Variants in AR observed in about 807,000 individuals in gnomAD.
The protein encoded by AR is dihydrotestosterone receptor.
Under a neutral mutation model 53.9 loss-of-function variants are expected in AR, and 8 were observed. The observed-to-expected ratio is 0.15, with a 90% CI of 0.09 to 0.27. The LOEUF (loss-of-function observed/expected upper bound fraction) is 0.27, where lower values mean the gene tolerates loss of function less well. AR is among the 10% of genes least tolerant of loss of function. The pLI is 1.00. For missense variants in AR, 639 were observed against 742.5 expected, an observed-to-expected ratio of 0.86 and a Z score of 1.62; for synonymous variants, 359 against 316.4, an observed-to-expected ratio of 1.13 and a Z score of -1.43.
chrX:67,636,972 TAACA>T (rs1170396645), intron 1 of AR, among the ~76,000 whole-genome samples: 3 of 111,924 alleles, frequency 2.7e-5, no homozygotes, highest in African/African-American at 6.5e-5. Context: ...AACTCATGCC[TAACA>T]AACAAAACTC....
At chrX:67,669,389 T>C (rs2147474462) in intron 2 of AR, among the ~76,000 whole-genome samples, 1 of 111,852 alleles carries the variant, frequency 8.9e-6, no homozygotes, top group South Asian at 3.7e-4. Context: ...TTTTATTCCA[T>C]TGTGGTCAGA....
chrX:67,641,025 G>A (rs1022418136), intron 1 of AR, among the ~76,000 whole-genome samples: 3 of 111,304 alleles, frequency 2.7e-5, no homozygotes, highest in African/African-American at 6.5e-5. Context: ...TATATCCCCA[G>A]CACCTAACCC....
chrX:67,664,172 T>G (rs1447723753), intron 2 of AR, among the ~76,000 whole-genome samples: 1 of 112,440 alleles, frequency 8.9e-6, no homozygotes, highest in African/African-American at 3.2e-5. Context: ...AGGAGCTGCA[T>G]TCCTTTGGAG....
rs762734251 is a variant in AR at position 67,724,652 on chromosome X, G to A, written c.*811G>A. The stretch of plus-strand genomic sequence containing the variant: ...CCTGGGGGCTAGACTGCTCAACTGT[G>A]GAGCAATTCATTATACTGAAAATGT... On this transcript the variant is annotated 3_prime_UTR_variant, in exon 8 of 8. Coordinates refer to ENST00000374690, the MANE Select transcript of AR (RefSeq NM_000044.6). The A allele has an allele frequency of 3.1e-4, 54 of 173,738 alleles. No homozygotes were observed. The highest frequency in any genetic ancestry group is 4.8e-4 in the Non-Finnish European group (44 of 91,468). The allele number at this position is 173,738 out of a possible 1,213,427, so 14.3% of individuals were successfully genotyped here. A position where few individuals can be genotyped will look rare whatever the true frequency, so the allele number is the denominator to read the frequency against.
chrX:67,705,326 C>G (rs1017645585), intron 3 of AR, among the ~76,000 whole-genome samples: 3 of 111,034 alleles, frequency 2.7e-5, no homozygotes, highest in African/African-American at 9.8e-5. Context: ...TTTCATTGAG[C>G]AGTGGTTTGT....
At chrX:67,618,698 G>A (rs1385505438) in intron 1 of AR, among the ~76,000 whole-genome samples, 1 of 111,597 alleles carries the variant, frequency 9.0e-6, no homozygotes, top group Non-Finnish European at 1.9e-5. Context: ...GATAGAGTCA[G>A]GAAGGGCTTC....
At chrX:67,621,723 G>A (rs1397428857) in intron 1 of AR, among the ~76,000 whole-genome samples, 1 of 111,520 alleles carries the variant, frequency 9.0e-6, no homozygotes, top group East Asian at 2.8e-4. Context: ...ATTCCATGGT[G>A]TATTGAACTG....
chrX:67,708,543 T>A (rs916189882), intron 3 of AR, among the ~76,000 whole-genome samples: 2 of 111,508 alleles, frequency 1.8e-5, no homozygotes, highest in Non-Finnish European at 3.8e-5. Context: ...TAGCCATTCG[T>A]CTAATCTTTT....
At chrX:67,612,306 A>C (rs1047756614) in intron 1 of AR, among the ~76,000 whole-genome samples, 1 of 111,982 alleles carries the variant, frequency 8.9e-6, no homozygotes, top group Non-Finnish European at 1.9e-5. Flanking sequence ...AGCCAGAGTG[A>C]CCTGTCTTGA....
At chrX:67,559,104 T>A (rs933896254) in intron 1 of AR, among the ~76,000 whole-genome samples, 1 of 112,457 alleles carries the variant, frequency 8.9e-6, no homozygotes, top group Non-Finnish European at 1.9e-5. Flanking sequence ...ACAACTCATA[T>A]CCTTAATATG....
At chrX:67,676,040 C>A in intron 2 of AR, among the ~76,000 whole-genome samples, 1 of 111,941 alleles carries the variant, frequency 8.9e-6, no homozygotes, top group East Asian at 2.8e-4. Context: ...AATATAATGG[C>A]TGAAAAGATC....
At chrX:67,619,652 G>T (rs1924280981) in intron 1 of AR, among the ~76,000 whole-genome samples, 1 of 111,355 alleles carries the variant, frequency 9.0e-6, no homozygotes, top group Admixed American at 9.6e-5. Flanking sequence ...TCTGTAAAAT[G>T]AGGAAAATAA....
Position 67,694,611 on chromosome X carries a change from C to G in AR, c.1885+8485C>G, listed in dbSNP as rs898681294. 9.6e-6 allele frequency: 11 copies of G among 1,144,254 alleles called. No homozygotes were observed. In the Admixed American group the frequency reaches 2.1e-4, roughly 22 times the overall value. 94.3% of individuals were successfully genotyped at this position (1,144,254 alleles called of 1,213,427 possible). ...CTGTCTTAGGCATCTGATTATGGAG[C>G]CTGCTAGATACAAGCCCGTATTTAG... On this transcript the variant is annotated intron_variant, in intron 3 of 7. Transcript: ENST00000374690.
chrX:67,721,815 T>G lies in AR; in HGVS notation c.2319-18T>G, dbSNP rs1188453611. The G allele has an allele frequency of 5.0e-6, 6 of 1,208,865 alleles. No individual in the cohort carries two copies. In the African/African-American group the frequency reaches 1.1e-4, roughly 21 times the overall value. On this transcript the variant is annotated intron_variant, in intron 5 of 7. Transcript: ENST00000374690. ...AACTTCCCCTCATTCCTTTTTCCTC[T>G]GTGTATCTCCTTCCCAGGTACCGCA...
intron 2 of AR, among the ~76,000 whole-genome samples, chrX:67,664,631 T>A (rs1927154234): frequency 8.9e-6 from 1 of 112,046 alleles, no homozygotes; most frequent in Non-Finnish European, 1.9e-5. Context: ...GAACCACTAC[T>A]CTCTTCAAAG....
intron 1 of AR, chrX:67,569,080 A>G: frequency 1.7e-6 from 2 of 1,159,107 alleles, no homozygotes; most frequent in Non-Finnish European, 2.4e-6. Flanking sequence ...TGAGTGTTGT[A>G]AGGTTTGGAC....
intron 1 of AR, chrX:67,568,974 G>A (rs2147344348): frequency 8.3e-7 from 1 of 1,210,627 alleles, no homozygotes; most frequent in Non-Finnish European, 1.1e-6. Flanking sequence ...AATGCAGAGT[G>A]CTCCTGACAT....
chrX:67,652,158 T>C (rs1408528377), intron 2 of AR, among the ~76,000 whole-genome samples: 1 of 111,748 alleles, frequency 8.9e-6, no homozygotes. Flanking sequence ...CAGGATAGAA[T>C]TAAAAAGTCA....
chrX:67,547,963 A>C (rs945399804), intron 1 of AR, among the ~76,000 whole-genome samples: 8 of 112,157 alleles, frequency 7.1e-5, no homozygotes, highest in African/African-American at 2.6e-4. Context: ...TCCCCCAGCA[A>C]ATTAAGATAT....
Sources: gnomAD v4.1 joint callset for allele counts (sites outside exome capture counted in the v4.1 genomes callset) on GRCh38, gnomAD v4.1.1 for gene constraint, MANE v1.5 for transcripts, NCBI Gene and HGNC (gene_info 2026-07-23, HGNC 2026-07-21) for gene names.